DMXL1: variants seen among roughly 807,000 people sequenced by gnomAD.
DMXL1 encodes the protein Dmx like 1, also known as dmX-like protein 1.
In DMXL1, 99 loss-of-function variants were observed where a neutral mutation model predicts 319.2. That is an observed-to-expected ratio of 0.31 (90% confidence interval 0.26 to 0.37). DMXL1 has a LOEUF of 0.37. DMXL1 is among the 10% of genes least tolerant of loss of function. The pLI, the probability that DMXL1 is intolerant of heterozygous loss-of-function variation, is 1.00. For missense variants in DMXL1, 3,745 were observed against 3,595.6 expected, an observed-to-expected ratio of 1.04 and a Z score of -1.06; for synonymous variants, 1,385 against 1,235.2, an observed-to-expected ratio of 1.12 and a Z score of -2.54.
chr5:119,149,699 A>C lies in DMXL1; in HGVS notation c.3872A>C (p.Gln1291Pro), dbSNP rs1432260166. 4 of 1,614,028 alleles carry C rather than the reference A, an allele frequency of 2.5e-6. No homozygotes were observed. In the South Asian group the frequency reaches 4.4e-5, roughly 18 times the overall value. The change falls in exon 18 of 44, where the codon CAG (glutamine) becomes CCG (proline). Residue 1291 changes from glutamine to proline, a missense_variant. Physicochemically the swap from Gln to Pro is moderately conservative, Grantham distance 76. Coordinates refer to ENST00000539542, the MANE Select transcript of DMXL1 (RefSeq NM_001290321.3). ...ACTCGATCCATGACCAGTCTTGCAC[A>C]GAAAATCTGTGGAAAGAAAACTGCA... ...TLTRSMTSLA[Q>P]KICGKKTAFD... is the part of the protein sequence containing the mutation.
chr5:119,094,851 CTTTTTTTTTT>C (rs745994850), intron 1 of DMXL1, among the ~76,000 whole-genome samples: 1 of 133,926 alleles, frequency 7.5e-6, no homozygotes, highest in Non-Finnish European at 1.6e-5. Flanking sequence ...CTTGCACAAT[CTTTTTTTTTT>C]TTTTTTTTAA....
At chr5:119,210,399 A>G (rs1192576924) in intron 34 of DMXL1, among the ~76,000 whole-genome samples, 1 of 152,134 alleles carries the variant, frequency 6.6e-6, no homozygotes, top group Non-Finnish European at 1.5e-5. Flanking sequence ...AGTGTTTTTG[A>G]GTTTCAGTAT....
chr5:119,238,999 G>A lies in DMXL1; in HGVS notation c.8570G>A (p.Cys2857Tyr), dbSNP rs1367933299. The A allele has an allele frequency of 6.2e-7, 1 of 1,613,752 alleles. No homozygotes were observed. Among genetic ancestry groups the A allele is most frequent in the South Asian group, 1.1e-5 (1 of 91,068 alleles). ...SMPKPYLTWQ[C>Y]HNKTANDFVF... ...TTGTAACCATTCCAGACTTGGCAGT[G>A]TCATAACAAAACAGCCAATGATTTT... Residue 2857 changes from cysteine (C) to tyrosine (Y), a missense_variant, in exon 41 of 44, where the codon TGT becomes TAT. Physicochemically the swap from Cys to Tyr is radical, Grantham distance 194. Coordinates refer to ENST00000539542, the MANE Select transcript of DMXL1 (RefSeq NM_001290321.3).
chr5:119,133,026 A>G (rs1379824527), intron 10 of DMXL1, 106 bp from the exon 11 acceptor site: 2 of 1,240,676 alleles, frequency 1.6e-6, no homozygotes, highest in African/African-American at 3.0e-5. Flanking sequence ...TGCTCTCCTT[A>G]GGCATGAGAT....
chr5:119,123,457 G>C (rs1012398428), intron 9 of DMXL1, among the ~76,000 whole-genome samples: 4 of 125,810 alleles, frequency 3.2e-5, no homozygotes, highest in African/African-American at 1.2e-4. Context: ...AGGGAGAGGA[G>C]GAGAGGTAGA....
Position 119,110,300 on chromosome 5 carries a change from G to T in DMXL1, c.497+17G>T, listed in dbSNP as rs755081908. Reference sequence around the variant, plus strand: ...GCATTGCAAGTAAGCAATTAATCAGGGGAGTAAACTGATAAACCTGTTGTT... The same window carrying T: ...GCATTGCAAGTAAGCAATTAATCAGTGGAGTAAACTGATAAACCTGTTGTT... On this transcript the variant is annotated intron_variant, in intron 5 of 43. Transcript: ENST00000539542. The T allele has an allele frequency of 2.0e-6, 3 of 1,528,424 alleles. No individual in the cohort carries two copies. Among genetic ancestry groups the T allele is most frequent in the African/African-American group, 2.9e-5 (2 of 70,014 alleles). The allele number at this position is 1,528,424 out of a possible 1,614,324, so 94.7% of individuals were successfully genotyped here. A position where few individuals can be genotyped will look rare whatever the true frequency, so the allele number is the denominator to read the frequency against.
At chr5:119,190,488 G>A (rs1363739756) in intron 29 of DMXL1, among the ~76,000 whole-genome samples, 1 of 152,166 alleles carries the variant, frequency 6.6e-6, no homozygotes, top group African/African-American at 2.4e-5. Context: ...CTGTTACTCA[G>A]TTCATACACA....
Position 119,111,602 on chromosome 5 carries a change from G to A in DMXL1, c.497+1319G>A, listed in dbSNP as rs544066106. On this transcript the variant is annotated intron_variant, in intron 5 of 43. Transcript: ENST00000539542. ...ATGACACCCAAACTGGAAATGGATA[G>A]GATAGGAAAAATTAATAGTTCTAAC... Among the ~76,000 whole-genome samples the A allele has an allele frequency of 3.3e-5, 5 of 152,164 alleles. 1 individual carries two copies. In the South Asian group the frequency reaches 1.0e-3, roughly 32 times the overall value.
At chr5:119,204,267 A>T (rs929943931) in intron 33 of DMXL1, among the ~76,000 whole-genome samples, 2 of 152,132 alleles carry the variant, frequency 1.3e-5, no homozygotes, top group African/African-American at 4.8e-5. Context: ...CCTCCCTAGC[A>T]GCTGGGACTG....
intron 3 of DMXL1, among the ~76,000 whole-genome samples, chr5:119,102,902 A>G (rs1005823228): frequency 1.2e-4 from 18 of 152,156 alleles, no homozygotes; most frequent in African/African-American, 4.1e-4. Context: ...CAAGGAAACA[A>G]CAGACACTGA....
intron 32 of DMXL1, among the ~76,000 whole-genome samples, chr5:119,200,298 C>T (rs182151096): frequency 6.6e-6 from 1 of 152,234 alleles, no homozygotes; most frequent in East Asian, 1.9e-4. Flanking sequence ...ATTTGGCTAG[C>T]CGGTTATCCC....
At position 119,080,328 on chromosome 5, in the gene DMXL1, CAG is replaced by C. The variant is rs377286718; in HGVS notation, c.87+8675_87+8676del. On this transcript the variant is annotated intron_variant, in intron 1 of 43. Transcript: ENST00000539542. ...TCTCGCTGCACTCCATCCTGGGCGA[CAG>C]AGCAAGACTTCGTCTCAAAAATAAT... Among the ~76,000 whole-genome samples, 34 of 152,236 alleles carry C rather than the reference CAG, an allele frequency of 2.2e-4. No homozygotes were observed. In the East Asian group the frequency reaches 5.6e-3, roughly 25 times the overall value.
At chr5:119,125,063 A>G (rs768602642) in intron 9 of DMXL1, among the ~76,000 whole-genome samples, 8 of 152,232 alleles carry the variant, frequency 5.3e-5, no homozygotes, top group African/African-American at 9.6e-5. Context: ...TTTGCAATAG[A>G]TACATTAAAT....
At chr5:119,163,453 G>A (rs748724483) in intron 19 of DMXL1, among the ~76,000 whole-genome samples, 1 of 152,160 alleles carries the variant, frequency 6.6e-6, no homozygotes, top group Non-Finnish European at 1.5e-5. Context: ...GCCTTACTCT[G>A]TTGCCGAGGC....
At chr5:119,179,116 A>T (rs1254500373) in intron 28 of DMXL1, among the ~76,000 whole-genome samples, 1 of 152,110 alleles carries the variant, frequency 6.6e-6, no homozygotes, top group Non-Finnish European at 1.5e-5. Flanking sequence ...ATTTTAAACA[A>T]TTGTATCCCC....
chr5:119,148,494 A>G (rs935728873), intron 17 of DMXL1, among the ~76,000 whole-genome samples: 11 of 152,100 alleles, frequency 7.2e-5, no homozygotes, highest in African/African-American at 2.7e-4. Context: ...TTTTGGTGAT[A>G]CTTTCTTTTT....
At chr5:119,192,329 G>A (rs1778841386) in intron 29 of DMXL1, among the ~76,000 whole-genome samples, 1 of 152,056 alleles carries the variant, frequency 6.6e-6, no homozygotes, top group Non-Finnish European at 1.5e-5. Flanking sequence ...ACTCTCCCCT[G>A]TGTTTTCAGT....
chr5:119,135,805 A>G (rs1765859510), intron 13 of DMXL1, among the ~76,000 whole-genome samples: 1 of 152,228 alleles, frequency 6.6e-6, no homozygotes, highest in African/African-American at 2.4e-5. Flanking sequence ...ATGTAGAATT[A>G]TGAATCAATT....
chr5:119,112,886 G>A (rs114752928), intron 5 of DMXL1, among the ~76,000 whole-genome samples: 1 of 151,238 alleles, frequency 6.6e-6, no homozygotes. Context: ...GAACCCGGTG[G>A]TGGAGGTTAC....
Sources: allele counts gnomAD v4.1 joint callset (sites outside exome capture counted in the v4.1 genomes callset), GRCh38; gene constraint gnomAD v4.1.1; transcripts MANE v1.5; gene names NCBI Gene and HGNC (gene_info 2026-07-23, HGNC 2026-07-21).